Variants in PTPN21 observed in about 807,000 individuals in gnomAD.
PTPN21 encodes protein tyrosine phosphatase non-receptor type 21, also known as tyrosine-protein phosphatase non-receptor type 21.
PTPN21 carries 77 observed loss-of-function variants against 131.8 expected under a neutral mutation model. That is an observed-to-expected ratio of 0.58 (90% CI 0.49 to 0.71). PTPN21 has a LOEUF of 0.71. Among genes scored for constraint, PTPN21 ranks in the 30% least tolerant of loss-of-function variants. The pLI, the probability that PTPN21 is intolerant of heterozygous loss-of-function variation, is 0.00. For missense variants in PTPN21, 1,552 were observed against 1,527.1 expected (o/e 1.02, Z -0.27); for synonymous variants, 715 against 621.3 (o/e 1.15, Z -2.24).
At position 88,480,015 on chromosome 14, in the gene PTPN21, C is replaced by G; in HGVS notation, c.1416G>C (p.Leu472=). The change falls in exon 13 of 19, where the codon CTG becomes CTC. Residue 472 remains leucine, a synonymous_variant. Transcript: ENST00000556564. ...LVHAERQSHS[L]RNLNIGSSYA... ...ACGAGCTGCCGATGTTGAGGTTTCGCAGCGAGTGGCTCTGCCGTTCCGCAT... is the reference window on the plus strand; with the variant it reads ...ACGAGCTGCCGATGTTGAGGTTTCGGAGCGAGTGGCTCTGCCGTTCCGCAT... 1 of 1,613,444 alleles carries G rather than the reference C, an allele frequency of 6.2e-7. No homozygotes were observed. Among genetic ancestry groups the G allele is most frequent in the Non-Finnish European group, 8.5e-7 (1 of 1,180,030 alleles).
chr14:88,516,983 TG>T, intron 3 of PTPN21, 108 bp downstream of exon 3: 5 of 1,249,290 alleles, frequency 4.0e-6, no homozygotes, highest in Non-Finnish European at 5.5e-6. Flanking sequence ...GCTAAAAATG[TG>T]GGGCGAGAGG....
intron 11 of PTPN21, 110 bp downstream of exon 11, chr14:88,485,672 T>G: frequency 9.7e-6 from 7 of 723,794 alleles, no homozygotes; most frequent in Admixed American, 2.5e-5. Flanking sequence ...TGATGAAATA[T>G]CAATACACTT....
chr14:88,469,388 C>T lies in PTPN21; in HGVS notation c.3235+111G>A. ...TTGTATTCTTTATGTTAAAACAAGT[C>T]CGAAGCTTATATGAGATAACATAAA... is the stretch of plus-strand genomic sequence containing the variant. On this transcript the variant is annotated intron_variant, in intron 17 of 18. Coordinates refer to ENST00000556564, the MANE Select transcript of PTPN21 (RefSeq NM_007039.4). This position sits in a 1 kb window ranked among gnomAD's most constrained non-coding sequence, Gnocchi z 4.3. 1.0e-6 allele frequency: 1 copy of T among 988,470 alleles called. No homozygotes were observed. The highest frequency in any genetic ancestry group is 1.6e-5 in the South Asian group (1 of 62,970). The allele number at this position is 988,470 out of a possible 1,614,324, so 61.2% of individuals were successfully genotyped here.
intron 2 of PTPN21, among the ~76,000 whole-genome samples, chr14:88,543,711 C>T (rs572601986): frequency 1.3e-5 from 2 of 152,280 alleles, no homozygotes; most frequent in South Asian, 4.1e-4. Flanking sequence ...ATTTAAAAAA[C>T]ATTTCGTAAA....
chr14:88,489,195 G>A (rs1411714812), intron 10 of PTPN21, among the ~76,000 whole-genome samples: 1 of 152,216 alleles, frequency 6.6e-6, no homozygotes, highest in African/African-American at 2.4e-5. Context: ...TGACTAACAA[G>A]TGAGGACTAA....
intron 8 of PTPN21, among the ~76,000 whole-genome samples, chr14:88,498,501 C>T (rs1300003638): frequency 1.4e-4 from 22 of 152,116 alleles, no homozygotes; most frequent in Admixed American, 1.4e-3. Context: ...TTTATTCATT[C>T]AACAAAATAA....
intron 13 of PTPN21, among the ~76,000 whole-genome samples, chr14:88,476,755 C>T (rs920325499): frequency 6.6e-6 from 1 of 152,136 alleles, no homozygotes; most frequent in Admixed American, 6.5e-5. Flanking sequence ...GCTCTTTCCT[C>T]GTGACCACAG....
At chr14:88,505,239 G>T in intron 5 of PTPN21, 65 bp downstream of exon 5, 6 of 1,254,216 alleles carry the variant, frequency 4.8e-6, no homozygotes, top group South Asian at 1.4e-5. Flanking sequence ...TTCATTTCAG[G>T]GATTATTAAG....
At chr14:88,498,130 G>A (rs1192040969) in intron 8 of PTPN21, among the ~76,000 whole-genome samples, 1 of 151,510 alleles carries the variant, frequency 6.6e-6, no homozygotes, top group Non-Finnish European at 1.5e-5. Context: ...CAAAAACTAG[G>A]CCAGGCGAGG....
chr14:88,496,531 A>G (rs2077920067), intron 9 of PTPN21, 39 bp from the exon 10 acceptor site: 4 of 1,453,770 alleles, frequency 2.8e-6, no homozygotes, highest in Non-Finnish European at 3.9e-6. Context: ...ATGAAAGCAC[A>G]CATACAACTT....
chr14:88,510,796 C>T (rs11159857), intron 3 of PTPN21, among the ~76,000 whole-genome samples: 52,763 of 152,012 alleles, frequency 0.35, 9,736 homozygotes, highest in African/African-American at 0.48. Flanking sequence ...CAGTGTCTAA[C>T]ATACAGTAAA....
At chr14:88,489,295 T>C (rs1405685982) in intron 10 of PTPN21, among the ~76,000 whole-genome samples, 2 of 152,168 alleles carry the variant, frequency 1.3e-5, no homozygotes, top group Admixed American at 6.5e-5. Flanking sequence ...TCTTATACGA[T>C]GTAAGGGAGT....
chr14:88,489,609 C>T (rs944483706), intron 10 of PTPN21, among the ~76,000 whole-genome samples: 5 of 152,104 alleles, frequency 3.3e-5, no homozygotes, highest in Non-Finnish European at 5.9e-5. Context: ...ATGATCACAC[C>T]ACCACACTCC....
Position 88,485,845 on chromosome 14 carries a change from A to G in PTPN21, c.933-3T>C, listed in dbSNP as rs2140108548. 1.3e-6 allele frequency: 2 copies of G among 1,591,296 alleles called. No homozygotes were observed. Among genetic ancestry groups the G allele is most frequent in the East Asian group, 2.2e-5 (1 of 44,712 alleles). On this transcript the variant is annotated splice_region_variant and splice_polypyrimidine_tract_variant and intron_variant, in intron 10 of 18. Transcript: ENST00000556564. Reference sequence around the variant, plus strand: ...TCACTGTGACAGTCTGAGTTTGCCTATAAAATAGGATGACTCTGAGAAGAG... The same window carrying G: ...TCACTGTGACAGTCTGAGTTTGCCTGTAAAATAGGATGACTCTGAGAAGAG...
chr14:88,508,386 G>A (rs1280457712), intron 3 of PTPN21, among the ~76,000 whole-genome samples: 5 of 152,008 alleles, frequency 3.3e-5, no homozygotes, highest in Admixed American at 3.3e-4. Flanking sequence ...CCTGGGCTCA[G>A]GCAATCCTAG....
intron 8 of PTPN21, chr14:88,499,250 A>T (rs908792503): frequency 3.3e-5 from 5 of 152,244 alleles, no homozygotes; most frequent in Admixed American, 6.5e-5. Context: ...CTGCTCCCCA[A>T]GTGATGCGTA....
rs918842664 is a variant in PTPN21 at position 88,469,302 on chromosome 14, G to A, written c.3235+197C>T. Among the ~76,000 whole-genome samples the A allele has an allele frequency of 1.3e-5, 2 of 152,142 alleles. No homozygotes were observed. The highest frequency in any genetic ancestry group is 2.9e-5 in the Non-Finnish European group (2 of 68,036). On this transcript the variant is annotated intron_variant, in intron 17 of 18. Coordinates refer to ENST00000556564, the MANE Select transcript of PTPN21 (RefSeq NM_007039.4). The surrounding 1 kb of genome is among the most constrained non-coding windows in gnomAD (Gnocchi z 4.3). ...AAATGACGGAGATACTGAGTCAGCT[G>A]TGGCATTCTACTCACTACCAAATCA...
chr14:88,505,117 G>T (rs977616045), intron 5 of PTPN21, among the ~76,000 whole-genome samples, 187 bp downstream of exon 5: 16 of 152,154 alleles, frequency 1.1e-4, no homozygotes, highest in African/African-American at 3.9e-4. Context: ...GTTTCTGTGG[G>T]TTCACAAGGA....
At chr14:88,554,384 C>T (rs1566859768) in intron 1 of PTPN21, among the ~76,000 whole-genome samples, 1 of 152,180 alleles carries the variant, frequency 6.6e-6, no homozygotes, top group Admixed American at 6.5e-5. Flanking sequence ...ATTTAAAACC[C>T]TGATCCAGAA....
Sources: allele counts gnomAD v4.1 joint callset (sites outside exome capture counted in the v4.1 genomes callset), GRCh38; gene constraint gnomAD v4.1.1; non-coding constraint Gnocchi (gnomAD v3.1); transcripts MANE v1.5; gene names NCBI Gene and HGNC (gene_info 2026-07-23, HGNC 2026-07-21).